NTNG1: variants seen among roughly 807,000 people sequenced by gnomAD.
NTNG1 encodes netrin-G1.
In NTNG1, 16 loss-of-function variants were observed where a neutral mutation model predicts 54.0. The observed-to-expected ratio is 0.30, with a 90% CI of 0.20 to 0.45. The LOEUF is 0.45. Ranked by LOEUF, NTNG1 falls within the 20% of genes least tolerant of loss-of-function variation. The pLI is 1.00. For missense variants in NTNG1, 530 were observed against 678.7 expected, an observed-to-expected ratio of 0.78 and a Z score of 2.43; for synonymous variants, 255 against 263.1, an observed-to-expected ratio of 0.97 and a Z score of 0.30.
At chr1:107,294,579 C>T (rs1259683208) in intron 2 of NTNG1, among the ~76,000 whole-genome samples, 1 of 152,150 alleles carries the variant, frequency 6.6e-6, no homozygotes, top group Non-Finnish European at 1.5e-5. Context: ...ATAGCACCTT[C>T]ACTAGACAGT....
At chr1:107,313,686 TA>T (rs1025262535) in intron 2 of NTNG1, among the ~76,000 whole-genome samples, 26 of 151,792 alleles carry the variant, frequency 1.7e-4, no homozygotes, top group African/African-American at 5.6e-4. Flanking sequence ...ATGGAGAGGT[TA>T]AAAAAAATAG....
chr1:107,469,110 A>AG (rs1318466129), intron 7 of NTNG1, among the ~76,000 whole-genome samples: 2 of 151,736 alleles, frequency 1.3e-5, no homozygotes, highest in Non-Finnish European at 2.9e-5. Context: ...AAAAAAAAAA[A>AG]AAAAACAACG....
intron 3 of NTNG1, among the ~76,000 whole-genome samples, chr1:107,363,642 T>G (rs1474623844): frequency 1.3e-5 from 2 of 152,172 alleles, no homozygotes; most frequent in African/African-American, 4.8e-5. Flanking sequence ...TTTCCCTTTG[T>G]GGAATGTGGA....
chr1:107,178,902 A>G (rs772362805), intron 2 of NTNG1, among the ~76,000 whole-genome samples: 25 of 152,326 alleles, frequency 1.6e-4, no homozygotes, highest in Non-Finnish European at 1.2e-4. Flanking sequence ...AATTAGCCCC[A>G]TCTGGGAATG....
At chr1:107,222,116 G>A (rs763599169) in intron 2 of NTNG1, among the ~76,000 whole-genome samples, 6 of 151,708 alleles carry the variant, frequency 4.0e-5, no homozygotes, top group Admixed American at 6.6e-5. Context: ...CTTCCATCTC[G>A]GTGGATACAT....
At chr1:107,160,393 C>T (rs755839649) in intron 2 of NTNG1, among the ~76,000 whole-genome samples, 3 of 152,102 alleles carry the variant, frequency 2.0e-5, no homozygotes, top group Non-Finnish European at 4.4e-5. Context: ...TTACCTTCTC[C>T]ACTGCCAACA....
chr1:107,362,219 CAAT>C, intron 3 of NTNG1, among the ~76,000 whole-genome samples: 1 of 152,286 alleles, frequency 6.6e-6, no homozygotes, highest in South Asian at 2.1e-4. Context: ...ATTTTCACCT[CAAT>C]AAAATAATTG....
chr1:107,429,275 T>C (rs572667416), intron 5 of NTNG1, among the ~76,000 whole-genome samples: 230 of 152,246 alleles, frequency 1.5e-3, no homozygotes, highest in African/African-American at 5.3e-3. Flanking sequence ...CAGGACCTTG[T>C]TATCAGCTTC....
chr1:107,408,360 A>G (rs1673580974), intron 5 of NTNG1: 1 of 154,344 alleles, frequency 6.5e-6, no homozygotes, highest in Admixed American at 6.4e-5. Flanking sequence ...GAAAGAGTAT[A>G]AAAAATATGT....
intron 7 of NTNG1, among the ~76,000 whole-genome samples, chr1:107,443,150 G>A (rs1676077707): frequency 6.6e-6 from 1 of 152,042 alleles, no homozygotes; most frequent in Non-Finnish European, 1.5e-5. Context: ...CAGCAGAGGG[G>A]AGGCATCGTG....
At chr1:107,422,435 G>C (rs1484928650) in intron 5 of NTNG1, among the ~76,000 whole-genome samples, 1 of 152,016 alleles carries the variant, frequency 6.6e-6, no homozygotes, top group Non-Finnish European at 1.5e-5. Context: ...CCTGGAATTT[G>C]AACCTGCATC....
intron 4 of NTNG1, among the ~76,000 whole-genome samples, chr1:107,397,172 G>A (rs1672734895): frequency 6.6e-6 from 1 of 152,050 alleles, no homozygotes; most frequent in Admixed American, 6.6e-5. Flanking sequence ...CTATCCCTTA[G>A]TTTTACTGGT....
At chr1:107,316,238 A>T (rs1293741285) in intron 2 of NTNG1, among the ~76,000 whole-genome samples, 1 of 152,198 alleles carries the variant, frequency 6.6e-6, no homozygotes, top group African/African-American at 2.4e-5. Flanking sequence ...TCGGTGTTCC[A>T]GGTGCTATCT....
At chr1:107,413,853 A>C (rs866733774) in intron 5 of NTNG1, among the ~76,000 whole-genome samples, 1 of 152,186 alleles carries the variant, frequency 6.6e-6, no homozygotes, top group Non-Finnish European at 1.5e-5. Context: ...TCATTCTACC[A>C]TGACATTAGA....
At chr1:107,466,956 C>T (rs2101567345) in intron 7 of NTNG1, among the ~76,000 whole-genome samples, 1 of 152,274 alleles carries the variant, frequency 6.6e-6, no homozygotes, top group Middle Eastern at 3.4e-3. Context: ...TGTTCTCACT[C>T]AAATACCTTT....
intron 3 of NTNG1, among the ~76,000 whole-genome samples, chr1:107,344,611 GTGTT>G (rs2101937279): frequency 1.3e-5 from 2 of 152,248 alleles, no homozygotes; most frequent in Admixed American, 1.3e-4. Context: ...ACTTGATGAA[GTGTT>G]TGTCAGCAAA....
intron 3 of NTNG1, among the ~76,000 whole-genome samples, chr1:107,343,472 G>A (rs1214541305): frequency 1.3e-5 from 2 of 151,804 alleles, no homozygotes; most frequent in African/African-American, 4.8e-5. Flanking sequence ...TATGATTATT[G>A]GCCTACTGCT....
At chr1:107,294,447 C>T (rs978387398) in intron 2 of NTNG1, among the ~76,000 whole-genome samples, 1 of 152,146 alleles carries the variant, frequency 6.6e-6, no homozygotes, top group African/African-American at 2.4e-5. Context: ...AAGCCTGGGC[C>T]AGTTCAGAGC....
At chr1:107,287,799 TG>T (rs889495413) in intron 2 of NTNG1, among the ~76,000 whole-genome samples, 1 of 152,202 alleles carries the variant, frequency 6.6e-6, no homozygotes, top group African/African-American at 2.4e-5. Flanking sequence ...CTCTATGACC[TG>T]TGGCACTCTC....
Sources: gnomAD v4.1 joint callset for allele counts (sites outside exome capture counted in the v4.1 genomes callset) on GRCh38, gnomAD v4.1.1 for gene constraint, MANE v1.5 for transcripts, NCBI Gene and HGNC (gene_info 2026-07-23, HGNC 2026-07-21) for gene names.